ZDHHC15: variants seen among roughly 807,000 people sequenced by gnomAD.
The protein encoded by ZDHHC15 is zDHHC palmitoyltransferase 15.
A neutral mutation model predicts 31.7 loss-of-function variants in ZDHHC15; 19 were observed. That is an observed-to-expected ratio of 0.60 (90% CI 0.42 to 0.88). The LOEUF (loss-of-function observed/expected upper bound fraction) is 0.88, where lower values mean the gene tolerates loss of function less well. Among genes scored for constraint, ZDHHC15 ranks in the 40% least tolerant of loss-of-function variants. The probability of loss-of-function intolerance (pLI) is 0.00; values close to 1 mark genes in which losing one functional copy is unlikely to be tolerated. For missense variants in ZDHHC15, 209 were observed against 251.2 expected, an observed-to-expected ratio of 0.83 and a Z score of 1.14; for synonymous variants, 103 against 90.0, an observed-to-expected ratio of 1.14 and a Z score of -0.82.
chrX:75,491,237 C>T (rs1311319149), intron 2 of ZDHHC15, among the ~76,000 whole-genome samples: 3 of 110,303 alleles, frequency 2.7e-5, no homozygotes, highest in Non-Finnish European at 5.7e-5. Flanking sequence ...AAATGTCCAA[C>T]AATGATAGAC....
intron 10 of ZDHHC15, among the ~76,000 whole-genome samples, chrX:75,396,074 C>G (rs2083295954): frequency 8.9e-6 from 1 of 112,054 alleles, no homozygotes; most frequent in African/African-American, 3.2e-5. Flanking sequence ...TTCTTCAGGA[C>G]ATTGGAATTG....
At chrX:75,435,153 G>T (rs1019490761) in intron 4 of ZDHHC15, among the ~76,000 whole-genome samples, 1 of 111,546 alleles carries the variant, frequency 9.0e-6, no homozygotes, top group Non-Finnish European at 1.9e-5. Flanking sequence ...GGTTGCTGTT[G>T]GTGTATAGCA....
At chrX:75,471,847 A>T (rs2084508072) in intron 3 of ZDHHC15, among the ~76,000 whole-genome samples, 1 of 111,833 alleles carries the variant, frequency 8.9e-6, no homozygotes, top group Admixed American at 9.4e-5. Flanking sequence ...GGTGAATCAC[A>T]GCAGAGGTCT....
At chrX:75,386,460 A>G (rs983635059) in intron 10 of ZDHHC15, among the ~76,000 whole-genome samples, 4 of 112,091 alleles carry the variant, frequency 3.6e-5, no homozygotes, top group Non-Finnish European at 7.5e-5. Context: ...TTAGTTCAGA[A>G]AAGTTCAGTT....
intron 2 of ZDHHC15, among the ~76,000 whole-genome samples, chrX:75,504,038 G>T (rs2085123409): frequency 9.0e-6 from 1 of 111,135 alleles, no homozygotes; most frequent in African/African-American, 3.3e-5. Flanking sequence ...GGATACCAAT[G>T]ACTGTATTAG....
chrX:75,515,033 T>A (rs1185807071), intron 1 of ZDHHC15, among the ~76,000 whole-genome samples: 1 of 111,458 alleles, frequency 9.0e-6, no homozygotes. Flanking sequence ...AGGAAGAAGT[T>A]GAATTCCTGA....
chrX:75,402,026 T>C (rs1323085169), intron 10 of ZDHHC15, among the ~76,000 whole-genome samples: 1 of 111,524 alleles, frequency 9.0e-6, no homozygotes, highest in African/African-American at 3.3e-5. Flanking sequence ...AGAATGAAAA[T>C]CTTACAAAAC....
At chrX:75,394,061 T>C (rs1452617821) in intron 10 of ZDHHC15, among the ~76,000 whole-genome samples, 1 of 111,680 alleles carries the variant, frequency 9.0e-6, no homozygotes, top group Non-Finnish European at 1.9e-5. Context: ...GATTCTCAAA[T>C]GTTAACCTCC....
chrX:75,395,693 C>A (rs2083292421), intron 10 of ZDHHC15, among the ~76,000 whole-genome samples: 1 of 111,270 alleles, frequency 9.0e-6, no homozygotes, highest in African/African-American at 3.3e-5. Flanking sequence ...AAAAATAATC[C>A]TAAAATTTAT....
At chrX:75,423,815 T>C (rs2083679403) in intron 8 of ZDHHC15, among the ~76,000 whole-genome samples, 1 of 109,184 alleles carries the variant, frequency 9.2e-6, no homozygotes, top group Non-Finnish European at 1.9e-5. Flanking sequence ...ATGCAAATAC[T>C]TTCTTAGCTG....
At chrX:75,480,799 T>A (rs1171131071) in intron 2 of ZDHHC15, among the ~76,000 whole-genome samples, 1 of 111,995 alleles carries the variant, frequency 8.9e-6, no homozygotes, top group Non-Finnish European at 1.9e-5. Context: ...CTTCAATGAA[T>A]AATTTTTATA....
At chrX:75,471,789 T>A (rs774244984) in intron 3 of ZDHHC15, among the ~76,000 whole-genome samples, 1 of 111,928 alleles carries the variant, frequency 8.9e-6, no homozygotes, top group African/African-American at 3.2e-5. Context: ...GCTTGAGTTG[T>A]CAGTGGCAGA....
intron 5 of ZDHHC15, 139 bp downstream of exon 5, chrX:75,431,312 G>A (rs1313599022): frequency 1.3e-5 from 6 of 465,750 alleles, no homozygotes; most frequent in Admixed American, 9.1e-5. Context: ...TCCGTGTGAG[G>A]GGTTTTGGCA....
intron 11 of ZDHHC15, among the ~76,000 whole-genome samples, chrX:75,373,388 T>C (rs1202085252): frequency 9.0e-6 from 1 of 111,723 alleles, no homozygotes; most frequent in Non-Finnish European, 1.9e-5. Context: ...AAAAATAATG[T>C]CAATGGATCC....
intron 8 of ZDHHC15, among the ~76,000 whole-genome samples, chrX:75,422,370 C>A (rs1341499392): frequency 8.9e-6 from 1 of 111,818 alleles, no homozygotes; most frequent in Non-Finnish European, 1.9e-5. Context: ...AGCCGAATGA[C>A]CACCATCTTT....
chrX:75,491,265 G>A (rs1365586302), intron 2 of ZDHHC15, among the ~76,000 whole-genome samples: 2 of 110,139 alleles, frequency 1.8e-5, no homozygotes, highest in Non-Finnish European at 3.8e-5. Context: ...AGAAAATGTG[G>A]CACATATACA....
chrX:75,414,829 G>C (rs192799728), intron 10 of ZDHHC15, among the ~76,000 whole-genome samples: 1 of 106,947 alleles, frequency 9.4e-6, no homozygotes, highest in Non-Finnish European at 1.9e-5. Flanking sequence ...GCAGTGGCAC[G>C]ATCTCAGCTC....
rs1379021643 is a variant in ZDHHC15, at chrX:75,369,841, C to A, written c.*3137G>T. ...CTAACTGCTCCATGATAATTCCAGT[C>A]CTGGGAAGCCAAGTTACTTTAACAA... On this transcript the variant is annotated 3_prime_UTR_variant, in exon 12 of 12. Coordinates refer to ENST00000373367, the MANE Select transcript of ZDHHC15 (RefSeq NM_144969.3). The A allele has an allele frequency of 8.9e-6, 1 of 111,973 alleles. No individual in the cohort carries two copies. Among genetic ancestry groups the A allele is most frequent in the African/African-American group, 3.3e-5 (1 of 30,767 alleles). 9.2% of individuals were successfully genotyped at this position (111,973 alleles called of 1,213,427 possible).
intron 2 of ZDHHC15, among the ~76,000 whole-genome samples, chrX:75,488,330 A>C (rs1422792145): frequency 8.9e-6 from 1 of 112,145 alleles, no homozygotes; most frequent in African/African-American, 3.2e-5. Context: ...TCTCAGCAGA[A>C]ACCCTGCAAG....
Sources: allele counts gnomAD v4.1 joint callset (sites outside exome capture counted in the v4.1 genomes callset), GRCh38; gene constraint gnomAD v4.1.1; transcripts MANE v1.5; gene names NCBI Gene and HGNC (gene_info 2026-07-23, HGNC 2026-07-21).